The following NPRL3 variants were observed in gnomAD, a reference collection of about 807,000 sequenced individuals.
NPRL3 encodes GATOR1 complex protein NPRL3.
Under a neutral mutation model 57.2 loss-of-function variants are expected in NPRL3, and 23 were observed. The ratio of observed to expected loss-of-function variants is 0.40; its 90% CI spans 0.29 to 0.57. The LOEUF is 0.57. Ranked by LOEUF, NPRL3 falls within the 20% of genes least tolerant of loss-of-function variation. NPRL3 has a pLI of 0.42. For synonymous variants in NPRL3, 333 were observed against 321.1 expected, an observed-to-expected ratio of 1.04 and a Z score of -0.39; for missense variants, 691 against 767.1, an observed-to-expected ratio of 0.90 and a Z score of 1.17.
intron 9 of NPRL3, among the ~76,000 whole-genome samples, chr16:93,618 G>A (rs890412107): frequency 1.3e-5 from 2 of 149,256 alleles, no homozygotes; most frequent in African/African-American, 5.0e-5. Flanking sequence ...AGGCTGGAGT[G>A]CAGTGGCACA....
At chr16:114,070 AC>A (rs1270259164) in intron 5 of NPRL3, among the ~76,000 whole-genome samples, 1 of 152,190 alleles carries the variant, frequency 6.6e-6, no homozygotes, top group Non-Finnish European at 1.5e-5. Context: ...AAAACAAAAT[AC>A]CCACCTAGAA....
At chr16:116,797 C>CCT (rs1555443791) in intron 5 of NPRL3, among the ~76,000 whole-genome samples, 43 of 143,826 alleles carry the variant, frequency 3.0e-4, no homozygotes, top group African/African-American at 9.6e-4. Flanking sequence ...ACCCCCCCCC[C>CCT]CCACCGATCT....
chr16:138,003 T>TC lies in NPRL3; in HGVS notation c.118+146dup, dbSNP rs1445179563. 4.9e-6 allele frequency: 3 copies of TC among 617,856 alleles called. No individual in the cohort carries two copies. In the African/African-American group the frequency reaches 5.6e-5, roughly 12 times the overall value. The allele number at this position is 617,856 out of a possible 1,614,324, so 38.3% of individuals were successfully genotyped here. A position where few individuals can be genotyped will look rare whatever the true frequency, so the allele number is the denominator to read the frequency against. The stretch of plus-strand genomic sequence containing the variant: ...CAATGCATGATTTTAATTTTTTTTT[T>TC]CCTTTTTCTACTTTTCAAATACTCT... On this transcript the variant is annotated intron_variant, in intron 2 of 13. Transcript: ENST00000611875.
intron 9 of NPRL3, among the ~76,000 whole-genome samples, chr16:95,344 TATATATACACACACAC>T (rs1340602278): frequency 3.4e-5 from 2 of 59,328 alleles, no homozygotes; most frequent in East Asian, 5.5e-4. Flanking sequence ...TATATATATA[TATATATACACACACAC>T]ACACACACAC....
intron 11 of NPRL3, 71 bp from the exon 12 acceptor site, chr16:89,973 T>G: frequency 2.1e-6 from 3 of 1,427,600 alleles, no homozygotes; most frequent in Non-Finnish European, 2.8e-6. Flanking sequence ...CAGGGAGCCA[T>G]GGCCCTAGAC....
intron 13 of NPRL3, among the ~76,000 whole-genome samples, chr16:88,463 G>A (rs1349749134): frequency 6.6e-6 from 1 of 151,884 alleles, no homozygotes; most frequent in Non-Finnish European, 1.5e-5. Flanking sequence ...ACTGGAGAGA[G>A]AAGAGTCCGA....
chr16:106,629 TAAAAAAAAAAA>T (rs763058746), intron 7 of NPRL3, among the ~76,000 whole-genome samples: 23 of 60,094 alleles, frequency 3.8e-4, no homozygotes, highest in East Asian at 1.4e-3. Context: ...TGCCTTAAAT[TAAAAAAAAAAA>T]AAAAAAAAAA....
At chr16:123,755 A>T (rs112811961) in intron 3 of NPRL3, among the ~76,000 whole-genome samples, 1 of 104,632 alleles carries the variant, frequency 9.6e-6, no homozygotes. Flanking sequence ...AGGGTCACAC[A>T]CTCCCCACGC....
At position 85,680 on chromosome 16, in the gene NPRL3, C is replaced by T; in HGVS notation, c.*1025G>A. On this transcript the variant is annotated 3_prime_UTR_variant, in exon 14 of 14. Coordinates refer to ENST00000611875, the MANE Select transcript of NPRL3 (RefSeq NM_001077350.3). ...GCAGCCCGGGTGGGCGTCGGCCATG[C>T]AGGGGAGTGGGCCCGGAAACCCCTC... 1.3e-6 allele frequency: 2 copies of T among 1,567,312 alleles called. No homozygotes were observed. Among genetic ancestry groups the T allele is most frequent in the Non-Finnish European group, 1.7e-6 (2 of 1,153,420 alleles).
chr16:95,629 G>A (rs1256636030), intron 9 of NPRL3, among the ~76,000 whole-genome samples: 1 of 152,072 alleles, frequency 6.6e-6, no homozygotes, highest in African/African-American at 2.4e-5. Flanking sequence ...ACTGCAGTGT[G>A]TAAAATCACA....
At chr16:87,187 TAC>T (rs1898514356) in intron 13 of NPRL3, among the ~76,000 whole-genome samples, 1 of 152,094 alleles carries the variant, frequency 6.6e-6, no homozygotes, top group Non-Finnish European at 1.5e-5. Context: ...TTTTTCGTGC[TAC>T]AGTGAGTCCC....
chr16:100,395 G>T lies in NPRL3; in HGVS notation c.744C>A (p.Ile248=), dbSNP rs375592476. The change falls in exon 8 of 14, where the codon ATC becomes ATA. Residue 248 remains isoleucine (I), a synonymous_variant. Transcript: ENST00000611875. Reference sequence around the variant, plus strand: ...ACCGGATGGCTTTCAGGCTCCGTTCGATGGCCTCTGGGGGGATCAGACTGG... The same window carrying T: ...ACCGGATGGCTTTCAGGCTCCGTTCTATGGCCTCTGGGGGGATCAGACTGG... ...AASSLIPPEA[I]ERSLKAIRPY... is the part of the protein sequence containing the mutation. 1.5e-5 allele frequency: 23 copies of T among 1,563,258 alleles called. No homozygotes were observed. The highest frequency in any genetic ancestry group is 1.9e-5 in the Admixed American group (1 of 51,564).
At chr16:98,423 G>T in intron 8 of NPRL3, 122 bp from the exon 9 acceptor site, 1 of 1,086,824 alleles carries the variant, frequency 9.2e-7, no homozygotes, top group Non-Finnish European at 1.3e-6. Flanking sequence ...GTATGCACCG[G>T]GTATGCACCA....
chr16:115,447 T>C (rs1351593277), intron 5 of NPRL3, among the ~76,000 whole-genome samples: 1 of 151,478 alleles, frequency 6.6e-6, no homozygotes, highest in Non-Finnish European at 1.5e-5. Context: ...TACTCGTCAA[T>C]ATCACGGCCA....
At chr16:125,708 A>G (rs1022020234) in intron 3 of NPRL3, 1 of 152,210 alleles carries the variant, frequency 6.6e-6, no homozygotes, top group Non-Finnish European at 1.5e-5. Context: ...GTCCCTTTAC[A>G]CTGCCCTGCA....
At position 116,797 on chromosome 16, in the gene NPRL3, C is replaced by G. The variant is rs368054547; in HGVS notation, c.393+504G>C. Among the ~76,000 whole-genome samples the G allele has an allele frequency of 9.8e-3, 1,406 of 143,808 alleles. 134 individuals are homozygous for G. The highest frequency in any genetic ancestry group is 0.033 in the African/African-American group (1,268 of 38,348). The allele number at this position is 143,808 out of a possible 152,430, so 94.3% of individuals were successfully genotyped here. On this transcript the variant is annotated intron_variant, in intron 5 of 13. Coordinates refer to ENST00000611875, the MANE Select transcript of NPRL3 (RefSeq NM_001077350.3). ...GGCCAACATGGCGAGACCCCCCCCC[C>G]CCACCGATCTCTACTAAAAATACAA...
intron 7 of NPRL3, 79 bp downstream of exon 7, chr16:110,446 T>C: frequency 1.8e-6 from 2 of 1,142,852 alleles, no homozygotes; most frequent in South Asian, 1.3e-5. Context: ...CGGGGAGCCC[T>C]ACCTGTTGAC....
At chr16:97,160 G>A (rs941139551) in intron 9 of NPRL3, among the ~76,000 whole-genome samples, 11 of 152,010 alleles carry the variant, frequency 7.2e-5, no homozygotes, top group African/African-American at 2.4e-4. Context: ...CAATGGTCCC[G>A]TGGCTCTGGG....
At chr16:96,870 A>G (rs1231362569) in intron 9 of NPRL3, among the ~76,000 whole-genome samples, 1 of 152,216 alleles carries the variant, frequency 6.6e-6, no homozygotes, top group South Asian at 2.1e-4. Context: ...CAGAGGCGGG[A>G]GACTTACTCT....
Sources: gnomAD v4.1 joint callset for allele counts (sites outside exome capture counted in the v4.1 genomes callset) on GRCh38, gnomAD v4.1.1 for gene constraint, MANE v1.5 for transcripts, NCBI Gene and HGNC (gene_info 2026-07-23, HGNC 2026-07-21) for gene names.